Variants in TENM3 observed in about 807,000 individuals in gnomAD.
The protein encoded by TENM3 is teneurin-3.
In TENM3, 63 loss-of-function variants were observed where a neutral mutation model predicts 255.1. The ratio of observed to expected loss-of-function variants is 0.25; its 90% CI spans 0.20 to 0.30. The LOEUF is 0.30. TENM3 is among the 10% of genes least tolerant of loss of function. The pLI is 1.00. For missense variants in TENM3, 2,929 were observed against 3,461.1 expected (o/e 0.85, Z 3.86); for synonymous variants, 1,306 against 1,322.3 (o/e 0.99, Z 0.27).
At chr4:182,050,227 G>A in the TENM3 span, among the ~76,000 whole-genome samples, 2 of 151,940 alleles carry the variant, frequency 1.3e-5, no homozygotes, top group African/African-American at 2.4e-5. Flanking sequence ...TCCTGACCTC[G>A]GGTGATCCAC....
intron 2 of TENM3, among the ~76,000 whole-genome samples, chr4:182,330,539 G>A (rs2150548148): frequency 6.6e-6 from 1 of 152,276 alleles, no homozygotes; most frequent in African/African-American, 2.4e-5. Flanking sequence ...TGCTTCTGCT[G>A]TTTTCTCAAA....
the TENM3 span, among the ~76,000 whole-genome samples, chr4:181,788,841 C>G: frequency 6.6e-6 from 1 of 152,132 alleles, no homozygotes; most frequent in Non-Finnish European, 1.5e-5. Flanking sequence ...CAAGCAATCC[C>G]TCCGTCTCAG....
intron 3 of TENM3, among the ~76,000 whole-genome samples, chr4:182,544,929 G>C (rs1018483818): frequency 1.3e-5 from 2 of 152,174 alleles, no homozygotes; most frequent in Non-Finnish European, 2.9e-5. Context: ...CTGAACAAGA[G>C]TTAGGGTAGA....
the TENM3 span, among the ~76,000 whole-genome samples, chr4:181,882,509 A>G: frequency 6.6e-6 from 1 of 152,226 alleles, no homozygotes; most frequent in Non-Finnish European, 1.5e-5. Flanking sequence ...GAAGACTGAT[A>G]TACAGGGGTG....
intron 3 of TENM3, among the ~76,000 whole-genome samples, chr4:182,531,722 T>C (rs1393597246): frequency 6.6e-6 from 1 of 152,130 alleles, no homozygotes; most frequent in Non-Finnish European, 1.5e-5. Context: ...GTGTGAAATG[T>C]GTTCTGCCAG....
chr4:182,570,413 A>G (rs114050813), intron 3 of TENM3, among the ~76,000 whole-genome samples: 1,710 of 152,310 alleles, frequency 0.011, 27 homozygotes, highest in African/African-American at 0.039. Context: ...CAAGTCACAT[A>G]TTAAATCATG....
At chr4:182,260,710 A>C (rs979709649) in intron 1 of TENM3, among the ~76,000 whole-genome samples, 2 of 152,220 alleles carry the variant, frequency 1.3e-5, no homozygotes, top group Non-Finnish European at 2.9e-5. Context: ...ACTGACAAAT[A>C]GATGAGTTAT....
intron 3 of TENM3, among the ~76,000 whole-genome samples, chr4:182,467,275 C>A (rs1459941161): frequency 6.7e-6 from 1 of 148,734 alleles, no homozygotes; most frequent in Non-Finnish European, 1.5e-5. Context: ...TTTAAACTTA[C>A]AAACTTTTTA....
At chr4:182,626,375 T>G (rs1750819690) in intron 4 of TENM3, among the ~76,000 whole-genome samples, 1 of 152,234 alleles carries the variant, frequency 6.6e-6, no homozygotes, top group Non-Finnish European at 1.5e-5. Context: ...GAATAGAGAC[T>G]GTGATATGTG....
the TENM3 span, among the ~76,000 whole-genome samples, chr4:182,106,965 G>A: frequency 6.6e-6 from 1 of 152,122 alleles, no homozygotes; most frequent in East Asian, 1.9e-4. Flanking sequence ...CAAGGATTAA[G>A]CTGAGAGTTG....
At chr4:182,423,874 AT>A (rs1442445035) in intron 3 of TENM3, among the ~76,000 whole-genome samples, 1 of 152,182 alleles carries the variant, frequency 6.6e-6, no homozygotes, top group Non-Finnish European at 1.5e-5. Flanking sequence ...CATTAAACAT[AT>A]GCCTTCCGTT....
At chr4:181,906,607 T>C in the TENM3 span, 2 of 152,266 alleles carry the variant, frequency 1.3e-5, no homozygotes, top group Non-Finnish European at 2.9e-5. Context: ...AGTTTCTCGC[T>C]TTAACACAAA....
intron 3 of TENM3, among the ~76,000 whole-genome samples, chr4:182,551,705 A>C (rs1041930481): frequency 3.9e-4 from 60 of 152,174 alleles, no homozygotes; most frequent in African/African-American, 1.4e-3. Context: ...TGGTATTCTA[A>C]AGTTGCATCT....
chr4:182,060,867 A>G, the TENM3 span, among the ~76,000 whole-genome samples: 2 of 152,204 alleles, frequency 1.3e-5, no homozygotes, highest in African/African-American at 4.8e-5. Context: ...ACTAGGAAGC[A>G]TATGTTCTCT....
the TENM3 span, among the ~76,000 whole-genome samples, chr4:181,934,075 T>C: frequency 4.4e-3 from 656 of 148,100 alleles, 2 homozygotes; most frequent in Admixed American, 8.3e-3. Context: ...TGTGTGTGTG[T>C]GCGCGCGCTT....
At chr4:181,470,933 C>G in the TENM3 span, among the ~76,000 whole-genome samples, 2 of 151,992 alleles carry the variant, frequency 1.3e-5, no homozygotes, top group East Asian at 3.9e-4. Flanking sequence ...ACTACCTTAC[C>G]TTTTGACATA....
rs549672663 is a variant in TENM3, at chr4:182,565,847, C to G, written c.512-35077C>G. Among the ~76,000 whole-genome samples, 4 of 152,242 alleles carry G rather than the reference C, an allele frequency of 2.6e-5. No homozygotes were observed. In the South Asian group the frequency reaches 8.3e-4, roughly 32 times the overall value. On this transcript the variant is annotated intron_variant, in intron 3 of 27. Coordinates refer to ENST00000511685, the MANE Select transcript of TENM3 (RefSeq NM_001080477.4). ...AATCATTAGCATGTAGGATTGAATT[C>G]TGTCTTCTTTTTCAACCTAAGACCA...
the TENM3 span, among the ~76,000 whole-genome samples, chr4:182,099,719 A>G: frequency 6.6e-6 from 1 of 152,176 alleles, no homozygotes; most frequent in Non-Finnish European, 1.5e-5. Flanking sequence ...AATATTTACT[A>G]TTAATATCTA....
chr4:182,600,932 G>C lies in TENM3; in HGVS notation c.520G>C (p.Ala174Pro). ...NKSDSENEQP[A>P]SNQGQSTLQP... is the part of the protein sequence containing the mutation. ...TTTTTTTTTTTTTTCAGAGCAACCTGCAAGCAATCAAGGCCAGTCTACCCT... is the reference window on the plus strand; with the variant it reads ...TTTTTTTTTTTTTTCAGAGCAACCTCCAAGCAATCAAGGCCAGTCTACCCT... The change falls in exon 4 of 28, where the codon GCA becomes CCA. Residue 174 changes from alanine (A) to proline (P), a missense_variant. This residue lies in a region of TENM3 where 283 missense variants were observed against 256.9 expected (regional missense o/e 1.10). Coordinates refer to ENST00000511685, the MANE Select transcript of TENM3 (RefSeq NM_001080477.4). 3.4e-6 allele frequency: 3 copies of C among 871,934 alleles called. No homozygotes were observed. Among genetic ancestry groups the C allele is most frequent in the Non-Finnish European group, 4.9e-6 (3 of 614,100 alleles). 54.0% of individuals were successfully genotyped at this position (871,934 alleles called of 1,614,324 possible).
Sources: allele counts gnomAD v4.1 joint callset (sites outside exome capture counted in the v4.1 genomes callset), GRCh38; gene constraint gnomAD v4.1.1; regional missense constraint gnomAD v4.1.1; transcripts MANE v1.5; gene names NCBI Gene and HGNC (gene_info 2026-07-23, HGNC 2026-07-21).